The following KCNIP1 variants were observed in gnomAD, a reference collection of about 807,000 sequenced individuals.
KCNIP1 encodes A-type potassium channel modulatory protein KCNIP1.
Under a neutral mutation model 33.0 loss-of-function variants are expected in KCNIP1, and 18 were observed. That is an observed-to-expected ratio of 0.55 (90% CI 0.38 to 0.81). The LOEUF is 0.81. Ranked by LOEUF, KCNIP1 falls within the 30% of genes least tolerant of loss-of-function variation. KCNIP1 has a pLI of 0.00. For missense variants in KCNIP1, 238 were observed against 271.6 expected, an observed-to-expected ratio of 0.88 and a Z score of 0.87; for synonymous variants, 93 against 98.3, an observed-to-expected ratio of 0.95 and a Z score of 0.32.
chr5:170,441,951 C>CAAAAAAA (rs34610945), intron 1 of KCNIP1, among the ~76,000 whole-genome samples: 3 of 72,238 alleles, frequency 4.2e-5, no homozygotes, highest in Non-Finnish European at 7.5e-5. Flanking sequence ...GACTCCATCT[C>CAAAAAAA]AAAAAAAAAA....
chr5:170,378,769 C>T (rs759928889), intron 1 of KCNIP1: 1 of 1,614,166 alleles, frequency 6.2e-7, no homozygotes, highest in Non-Finnish European at 8.5e-7. Flanking sequence ...ATGAGGAGGC[C>T]ACCGGTCAGC....
intron 1 of KCNIP1, among the ~76,000 whole-genome samples, chr5:170,409,490 G>A (rs55809596): frequency 7.6e-4 from 115 of 152,306 alleles, no homozygotes; most frequent in African/African-American, 2.7e-3. Flanking sequence ...GGAACAAACA[G>A]TACCCCATGA....
intron 1 of KCNIP1, among the ~76,000 whole-genome samples, chr5:170,687,353 TG>T (rs1244578841): frequency 1.3e-5 from 2 of 152,068 alleles, no homozygotes; most frequent in East Asian, 3.9e-4. Flanking sequence ...GGCTAATTTT[TG>T]TATTTTTGGT....
intron 1 of KCNIP1, among the ~76,000 whole-genome samples, chr5:170,437,838 A>G (rs1419358503): frequency 1.3e-5 from 2 of 152,198 alleles, no homozygotes; most frequent in East Asian, 3.9e-4. Context: ...GGGCCTTTGC[A>G]CAGCCTTCAG....
At chr5:170,544,433 A>G (rs1030255647) in intron 1 of KCNIP1, among the ~76,000 whole-genome samples, 4 of 152,146 alleles carry the variant, frequency 2.6e-5, no homozygotes, top group Non-Finnish European at 4.4e-5. Context: ...CTCCTGAACA[A>G]TAATAGCTTT....
chr5:170,385,510 G>A (rs995733865), intron 1 of KCNIP1: 29 of 1,581,558 alleles, frequency 1.8e-5, no homozygotes, highest in Non-Finnish European at 2.3e-5. Context: ...GATCAGCCCA[G>A]TTCACAGGTG....
At chr5:170,547,960 A>G (rs926545423) in intron 1 of KCNIP1, among the ~76,000 whole-genome samples, 2 of 152,150 alleles carry the variant, frequency 1.3e-5, no homozygotes, top group African/African-American at 4.8e-5. Flanking sequence ...GTCTTCCACA[A>G]TGTTTGAACT....
At chr5:170,411,698 GTGCAGAGAGGGT>G (rs1755193986) in intron 1 of KCNIP1, among the ~76,000 whole-genome samples, 1 of 152,112 alleles carries the variant, frequency 6.6e-6, no homozygotes, top group Non-Finnish European at 1.5e-5. Flanking sequence ...AATCTTCTAG[GTGCAGAGAGGGT>G]TGCAGACACT....
intron 1 of KCNIP1, among the ~76,000 whole-genome samples, chr5:170,597,313 C>T (rs79326418): frequency 0.033 from 4,994 of 152,318 alleles, 134 homozygotes; most frequent in Non-Finnish European, 0.051. Flanking sequence ...CTCATTCTCC[C>T]GTGCTAGGGA....
At chr5:170,635,065 T>G (rs1393787216) in intron 1 of KCNIP1, among the ~76,000 whole-genome samples, 2 of 152,220 alleles carry the variant, frequency 1.3e-5, no homozygotes, top group African/African-American at 4.8e-5. Flanking sequence ...AGACTCGCTT[T>G]GTCACCCAGG....
At chr5:170,482,896 C>G (rs1043603075) in intron 1 of KCNIP1, among the ~76,000 whole-genome samples, 2 of 152,162 alleles carry the variant, frequency 1.3e-5, no homozygotes, top group Non-Finnish European at 2.9e-5. Flanking sequence ...CATTTTGGTG[C>G]TATTGTCCCA....
chr5:170,735,031 T>C (rs774223945), intron 7 of KCNIP1, among the ~76,000 whole-genome samples: 14 of 152,224 alleles, frequency 9.2e-5, no homozygotes, highest in South Asian at 2.1e-4. Context: ...CAGATGCAGA[T>C]GCCCAGCTGA....
intron 1 of KCNIP1, among the ~76,000 whole-genome samples, chr5:170,426,169 G>A (rs934802560): frequency 6.6e-6 from 1 of 151,954 alleles, no homozygotes; most frequent in African/African-American, 2.4e-5. Flanking sequence ...GGTAGGGACT[G>A]GTTCTCTTAG....
chr5:170,576,730 C>T (rs1174160068), intron 1 of KCNIP1, among the ~76,000 whole-genome samples: 2 of 152,158 alleles, frequency 1.3e-5, no homozygotes, highest in Non-Finnish European at 2.9e-5. Flanking sequence ...TAACCTGGTA[C>T]CTGTCACAAA....
At chr5:170,719,988 G>A (rs181921456) in intron 2 of KCNIP1, among the ~76,000 whole-genome samples, 18 of 152,288 alleles carry the variant, frequency 1.2e-4, no homozygotes, top group African/African-American at 4.3e-4. Flanking sequence ...GGAAGTTATT[G>A]TTACCCCCAT....
At chr5:170,669,641 G>A (rs779600796) in intron 1 of KCNIP1, 45 of 985,266 alleles carry the variant, frequency 4.6e-5, no homozygotes, top group Non-Finnish European at 5.4e-5. Flanking sequence ...TAACTATCTC[G>A]GACTTCGGAG....
At chr5:170,676,240 G>A (rs1460163058) in intron 1 of KCNIP1, among the ~76,000 whole-genome samples, 2 of 148,490 alleles carry the variant, frequency 1.3e-5, no homozygotes, top group African/African-American at 4.9e-5. Flanking sequence ...GTGGGAGGGA[G>A]GGAGGAAGGG....
At chr5:170,371,657 T>G (rs556206913) in intron 1 of KCNIP1, among the ~76,000 whole-genome samples, 1 of 152,282 alleles carries the variant, frequency 6.6e-6, no homozygotes, top group African/African-American at 2.4e-5. Context: ...TACTGTTCAA[T>G]GAGCTGTGCC....
At chr5:170,665,208 T>C (rs2113757240) in intron 1 of KCNIP1, among the ~76,000 whole-genome samples, 1 of 152,326 alleles carries the variant, frequency 6.6e-6, no homozygotes, top group Non-Finnish European at 1.5e-5. Flanking sequence ...TGTTAATCAT[T>C]AGAAAATGCT....
Sources: gnomAD v4.1 joint callset for allele counts (sites outside exome capture counted in the v4.1 genomes callset) on GRCh38, gnomAD v4.1.1 for gene constraint, MANE v1.5 for transcripts, NCBI Gene and HGNC (gene_info 2026-07-23, HGNC 2026-07-21) for gene names.